The following CC2D2A variants were observed in gnomAD, a reference collection of about 807,000 sequenced individuals.
CC2D2A encodes the protein coiled-coil and C2 domain containing 2A.
Under a neutral mutation model 212.9 loss-of-function variants are expected in CC2D2A, and 155 were observed. That is an observed-to-expected ratio of 0.73 (90% confidence interval 0.64 to 0.83). The LOEUF is 0.83. Ranked by LOEUF, CC2D2A falls within the 40% of genes least tolerant of loss-of-function variation. The pLI, the probability that CC2D2A is intolerant of heterozygous loss-of-function variation, is 0.00. For synonymous variants in CC2D2A, 667 were observed against 686.5 expected (o/e 0.97, Z 0.44); for missense variants, 1,856 against 1,956.2 (o/e 0.95, Z 0.97).
intron 20 of CC2D2A, among the ~76,000 whole-genome samples, chr4:15,555,576 A>C (rs1436014984): frequency 1.3e-5 from 2 of 152,176 alleles, no homozygotes; most frequent in African/African-American, 2.4e-5. Context: ...CTATCTCTGC[A>C]AAAAATGTAA....
chr4:15,474,996 C>G (rs1714082706), intron 1 of CC2D2A, among the ~76,000 whole-genome samples: 1 of 152,100 alleles, frequency 6.6e-6, no homozygotes, highest in African/African-American at 2.4e-5. Flanking sequence ...CTTTTTTTGG[C>G]CGGGCACGGT....
chr4:15,586,311 C>T, intron 31 of CC2D2A, 65 bp downstream of exon 31: 2 of 986,202 alleles, frequency 2.0e-6, no homozygotes, highest in Non-Finnish European at 2.9e-6. Context: ...AGCTAACTGA[C>T]TTGCATAATT....
intron 28 of CC2D2A, among the ~76,000 whole-genome samples, chr4:15,571,102 A>G (rs959514691): frequency 3.9e-5 from 6 of 152,352 alleles, no homozygotes; most frequent in East Asian, 3.9e-4. Context: ...TAAATATTAA[A>G]TAAAGGTAAA....
At chr4:15,549,124 CA>C (rs1718865313) in intron 17 of CC2D2A, among the ~76,000 whole-genome samples, 2 of 152,034 alleles carry the variant, frequency 1.3e-5, no homozygotes, top group Admixed American at 6.5e-5. Flanking sequence ...GAGTGGTTGA[CA>C]GTATAGATGA....
chr4:15,526,504 G>T (rs1365874733), intron 11 of CC2D2A, among the ~76,000 whole-genome samples: 1 of 152,094 alleles, frequency 6.6e-6, no homozygotes, highest in East Asian at 1.9e-4. Context: ...GAGAATAAAA[G>T]CTTCTTTTCT....
At chr4:15,575,968 G>A (rs1436197188) in intron 29 of CC2D2A, among the ~76,000 whole-genome samples, 1 of 152,192 alleles carries the variant, frequency 6.6e-6, no homozygotes, top group African/African-American at 2.4e-5. Context: ...CTCCACACTA[G>A]GCATCCCTCA....
At position 15,537,012 on chromosome 4, in the gene CC2D2A, A is replaced by G; in HGVS notation, c.1700A>G (p.Tyr567Cys). 1.2e-6 allele frequency: 2 copies of G among 1,613,722 alleles called. No homozygotes were observed. Among genetic ancestry groups the G allele is most frequent in the Non-Finnish European group, 1.7e-6 (2 of 1,179,732 alleles). ...SELLEEHTEE[Y>C]AQKMEEYRTS... ...CTGTTAGAAGAGCACACGGAGGAGTACGCACAGAAGATGGAAGAATACAGA... is the reference window on the plus strand; with the variant it reads ...CTGTTAGAAGAGCACACGGAGGAGTGCGCACAGAAGATGGAAGAATACAGA... Residue 567 changes from tyrosine to cysteine, a missense_variant, in exon 15 of 37, where the codon TAC becomes TGC. By Grantham distance (194) the Tyr-to-Cys change is radical (BLOSUM62 -2). This residue lies in a region of CC2D2A where 1,512 missense variants were observed against 1,579.3 expected (regional missense o/e 0.96). Coordinates refer to ENST00000424120, the MANE Select transcript of CC2D2A (RefSeq NM_001378615.1).
intron 33 of CC2D2A, chr4:15,595,729 T>A (rs1045335781): frequency 1.9e-5 from 3 of 158,242 alleles, no homozygotes; most frequent in African/African-American, 7.2e-5. Context: ...GAATGGACAC[T>A]CAATTCAATT....
chr4:15,481,928 G>A, intron 4 of CC2D2A: 1 of 985,340 alleles, frequency 1.0e-6, no homozygotes, highest in Non-Finnish European at 1.2e-6. Context: ...TTGCCATTGA[G>A]GACACATATA....
At chr4:15,545,524 C>T (rs190132513) in intron 17 of CC2D2A, among the ~76,000 whole-genome samples, 55 of 152,194 alleles carry the variant, frequency 3.6e-4, no homozygotes, top group Non-Finnish European at 6.3e-4. Context: ...TAGATGTTAA[C>T]GACCTTTGAA....
At position 15,516,674 on chromosome 4, in the gene CC2D2A, C is replaced by T. The variant is rs1716893043; in HGVS notation, c.1067C>T (p.Pro356Leu). 2 of 1,613,098 alleles carry T rather than the reference C, an allele frequency of 1.2e-6. No individual in the cohort carries two copies. The highest frequency in any genetic ancestry group is 1.7e-5 in the Admixed American group (1 of 59,948). The change falls in exon 11 of 37, where the codon CCC (proline) becomes CTC (leucine). Residue 356 changes from proline to leucine, a missense_variant. Around this residue, in one of 5 missense-constraint regions of CC2D2A, gnomAD observed 1,512 missense variants for 1,579.3 expected, o/e 0.96. Coordinates refer to ENST00000424120, the MANE Select transcript of CC2D2A (RefSeq NM_001378615.1). ...DDGRILALPN[P>L]IKPFPSRPPV... The stretch of plus-strand genomic sequence containing the variant: ...GGCAGGATCCTAGCTCTGCCAAACC[C>T]CATCAAGCCATTTCCTTCAAGGCCG...
chr4:15,583,386 G>A (rs1560193830), intron 30 of CC2D2A, among the ~76,000 whole-genome samples: 1 of 152,152 alleles, frequency 6.6e-6, no homozygotes, highest in Non-Finnish European at 1.5e-5. Flanking sequence ...TTGAAAGGAG[G>A]AAGTCAAGTT....
chr4:15,569,836 C>G (rs1231711164), intron 27 of CC2D2A, among the ~76,000 whole-genome samples: 1 of 152,166 alleles, frequency 6.6e-6, no homozygotes, highest in Non-Finnish European at 1.5e-5. Flanking sequence ...ACTCCTAAGT[C>G]TGGGTCTGTT....
chr4:15,472,934 G>C (rs1713935437), intron 1 of CC2D2A, among the ~76,000 whole-genome samples: 1 of 152,136 alleles, frequency 6.6e-6, no homozygotes, highest in Non-Finnish European at 1.5e-5. Context: ...TAAATGACCT[G>C]ACCAAGTCCC....
intron 13 of CC2D2A, among the ~76,000 whole-genome samples, chr4:15,529,979 A>AT (rs1006648970): frequency 1.0e-3 from 146 of 142,262 alleles, no homozygotes; most frequent in Middle Eastern, 3.7e-3. Context: ...TTTTATTTTT[A>AT]TTTTTTTTTT....
At chr4:15,524,447 ATTTTT>A (rs71179636) in intron 11 of CC2D2A, among the ~76,000 whole-genome samples, 35 of 89,976 alleles carry the variant, frequency 3.9e-4, no homozygotes, top group Non-Finnish European at 5.1e-4. Context: ...AAAATTTTTA[ATTTTT>A]TTTTTTTTTT....
intron 2 of CC2D2A, among the ~76,000 whole-genome samples, chr4:15,477,716 C>T (rs1473827449): frequency 6.6e-6 from 1 of 152,136 alleles, no homozygotes; most frequent in Admixed American, 6.5e-5. Context: ...GAGGACAAGT[C>T]AGAGATCAGG....
rs1416404343 is a variant in CC2D2A, at chr4:15,529,533, G to GT, written c.1466+808dup. 3.9e-5 allele frequency among the ~76,000 whole-genome samples: 6 copies of GT among 152,232 alleles called. No homozygotes were observed. The East Asian group carries it at 1.2e-3, about 29-fold the overall frequency. Reference sequence around the variant, plus strand: ...CAACATGGATAAGGAATCATATCATGTATACCATTCTGCAACTTGCTTCTT... The same window carrying GT: ...CAACATGGATAAGGAATCATATCATGTTATACCATTCTGCAACTTGCTTCTT... On this transcript the variant is annotated intron_variant, in intron 13 of 36. Transcript: ENST00000424120.
rs1560182753 is a variant in CC2D2A, at chr4:15,559,669, T to TTTCCTTCTTTTTTTG, written c.2922+414_2922+415insCCTTCTTTTTTTGTT. 2.5e-3 allele frequency among the ~76,000 whole-genome samples: 384 copies of TTTCCTTCTTTTTTTG among 151,850 alleles called. 2 individuals carry two copies. Among genetic ancestry groups the TTTCCTTCTTTTTTTG allele is most frequent in the African/African-American group, 8.9e-3 (368 of 41,328 alleles). On this transcript the variant is annotated intron_variant, in intron 22 of 36. Coordinates refer to ENST00000424120, the MANE Select transcript of CC2D2A (RefSeq NM_001378615.1). Reference sequence around the variant, plus strand: ...GCTGAAACATCCTTTCGTTTGTCCTTTTTCCTTCTTTCCTTCCTTCCTTCA... The same window carrying TTTCCTTCTTTTTTTG: ...GCTGAAACATCCTTTCGTTTGTCCTTTTCCTTCTTTTTTTGTTTCCTTCTTTCCTTCCTTCCTTCA...
Sources: gnomAD v4.1 joint callset for allele counts (sites outside exome capture counted in the v4.1 genomes callset) on GRCh38, gnomAD v4.1.1 for gene constraint, gnomAD v4.1.1 regional missense constraint, MANE v1.5 for transcripts, NCBI Gene and HGNC (gene_info 2026-07-23, HGNC 2026-07-21) for gene names.